PSD3: variants seen among roughly 807,000 people sequenced by gnomAD.
PSD3 encodes PH and SEC7 domain-containing protein 3.
In PSD3, 49 loss-of-function variants were observed where a neutral mutation model predicts 105.5. That is an observed-to-expected ratio of 0.46 (90% CI 0.37 to 0.59). The LOEUF (loss-of-function observed/expected upper bound fraction) is 0.59, where lower values mean the gene tolerates loss of function less well. Ranked by LOEUF, PSD3 falls within the 20% of genes least tolerant of loss-of-function variation. The pLI, the probability that PSD3 is intolerant of heterozygous loss-of-function variation, is 0.00. For missense variants in PSD3, 1,561 were observed against 1,263.8 expected, an observed-to-expected ratio of 1.24 and a Z score of -3.57; for synonymous variants, 557 against 457.8, an observed-to-expected ratio of 1.22 and a Z score of -2.77.
At chr8:18,930,662 C>T (rs894578646) in intron 2 of PSD3, among the ~76,000 whole-genome samples, 3 of 151,776 alleles carry the variant, frequency 2.0e-5, no homozygotes, top group Admixed American at 1.3e-4. Flanking sequence ...CCCCACCTCC[C>T]GGCTTCAACC....
intron 15 of PSD3, among the ~76,000 whole-genome samples, chr8:18,539,707 C>T (rs964211924): frequency 2.0e-5 from 3 of 151,726 alleles, no homozygotes; most frequent in African/African-American, 7.3e-5. Context: ...ACCACCAAGC[C>T]CGACTAATTT....
chr8:18,884,690 A>G (rs1208220311), intron 2 of PSD3, among the ~76,000 whole-genome samples: 1 of 152,100 alleles, frequency 6.6e-6, no homozygotes, highest in Non-Finnish European at 1.5e-5. Context: ...GCACACGAAC[A>G]GAAAATATTC....
intron 4 of PSD3, among the ~76,000 whole-genome samples, chr8:18,846,628 C>A (rs998664575): frequency 1.3e-5 from 2 of 152,122 alleles, no homozygotes; most frequent in African/African-American, 4.8e-5. Context: ...AAGTAACAAT[C>A]AACTTTCAAA....
intron 9 of PSD3, among the ~76,000 whole-genome samples, chr8:18,752,612 CATATAAT>C (rs1266937727): frequency 3.9e-5 from 2 of 51,598 alleles, no homozygotes; most frequent in Non-Finnish European, 6.9e-5. Context: ...ATATATAATA[CATATAAT>C]ATATATTATA....
intron 2 of PSD3, among the ~76,000 whole-genome samples, chr8:18,878,768 C>A (rs909737454): frequency 2.0e-5 from 3 of 151,984 alleles, no homozygotes; most frequent in African/African-American, 7.3e-5. Context: ...AAGACTTTTG[C>A]GGTATGGTAT....
chr8:18,696,814 TC>T (rs1164405797), intron 9 of PSD3, among the ~76,000 whole-genome samples: 1 of 152,186 alleles, frequency 6.6e-6, no homozygotes, highest in Admixed American at 6.5e-5. Context: ...AATGGTACTG[TC>T]CAATAGAAGT....
intron 4 of PSD3, among the ~76,000 whole-genome samples, chr8:18,838,824 A>G (rs1814370105): frequency 7.3e-6 from 1 of 136,370 alleles, no homozygotes; most frequent in Non-Finnish European, 1.7e-5. Context: ...TAATAATAAT[A>G]ATAATAATAA....
chr8:18,684,243 C>CACACACACACACACACAG (rs1249401646), intron 9 of PSD3: 1 of 210,794 alleles, frequency 4.7e-6, no homozygotes, highest in African/African-American at 2.3e-5. Context: ...CACACACACA[C>CACACACACACACACACAG]ACACACACCC....
At chr8:18,827,508 A>G (rs1813296709) in intron 4 of PSD3, among the ~76,000 whole-genome samples, 1 of 152,238 alleles carries the variant, frequency 6.6e-6, no homozygotes, top group Non-Finnish European at 1.5e-5. Context: ...GGCCAGATTC[A>G]AGAGCGGTAA....
At chr8:18,952,799 G>C (rs1305314199) in intron 1 of PSD3, among the ~76,000 whole-genome samples, 1 of 152,146 alleles carries the variant, frequency 6.6e-6, no homozygotes, top group Non-Finnish European at 1.5e-5. Flanking sequence ...TGGACAATTT[G>C]GAGACATTTA....
chr8:18,635,363 G>C (rs1446099749), intron 10 of PSD3, among the ~76,000 whole-genome samples: 1 of 152,060 alleles, frequency 6.6e-6, no homozygotes, highest in Non-Finnish European at 1.5e-5. Flanking sequence ...AATAGACAAA[G>C]CTAGGGAGAT....
chr8:18,914,965 G>A (rs1026358047), intron 2 of PSD3, among the ~76,000 whole-genome samples: 1 of 151,970 alleles, frequency 6.6e-6, no homozygotes, highest in Non-Finnish European at 1.5e-5. Context: ...ACGAAACTAT[G>A]GTAACCAAAA....
intron 8 of PSD3, among the ~76,000 whole-genome samples, chr8:18,786,314 T>C (rs1306341392): frequency 2.0e-5 from 3 of 152,238 alleles, no homozygotes; most frequent in Non-Finnish European, 4.4e-5. Flanking sequence ...AAAGTGTTTT[T>C]TCAGGACACC....
intron 9 of PSD3, among the ~76,000 whole-genome samples, chr8:18,759,772 T>C (rs900939489): frequency 1.3e-5 from 2 of 152,122 alleles, no homozygotes; most frequent in Non-Finnish European, 2.9e-5. Context: ...TTTATGTTCC[T>C]AGACCATTTG....
At position 18,534,426 on chromosome 8, in the gene PSD3, T is replaced by C. The variant is rs1294216905; in HGVS notation, c.*1317A>G. ...CCCTGAACTTCAAAGGGACTGTAAC[T>C]GGAACAAGCTCATGACTGCAAAGTT... is the stretch of plus-strand genomic sequence containing the variant. On this transcript the variant is annotated 3_prime_UTR_variant, in exon 16 of 16. Transcript: ENST00000327040. The C allele has an allele frequency of 6.6e-6, 1 of 152,550 alleles. No homozygotes were observed. Among genetic ancestry groups the C allele is most frequent in the Non-Finnish European group, 1.5e-5 (1 of 68,028 alleles). The allele number at this position is 152,550 out of a possible 1,614,324, so 9.4% of individuals were successfully genotyped here.
chr8:18,953,789 G>A (rs1823392759), intron 1 of PSD3, among the ~76,000 whole-genome samples: 1 of 151,878 alleles, frequency 6.6e-6, no homozygotes, highest in Admixed American at 6.6e-5. Flanking sequence ...ATAAACGATA[G>A]GATGGAATAC....
At chr8:18,610,439 T>C (rs1805175533) in intron 11 of PSD3, among the ~76,000 whole-genome samples, 1 of 152,198 alleles carries the variant, frequency 6.6e-6, no homozygotes, top group Admixed American at 6.5e-5. Flanking sequence ...TGTACCTCAC[T>C]GCTGATTTCT....
chr8:18,740,648 C>G (rs1238767487), intron 9 of PSD3, among the ~76,000 whole-genome samples: 2 of 152,142 alleles, frequency 1.3e-5, no homozygotes, highest in Admixed American at 6.6e-5. Flanking sequence ...AAGATTACTT[C>G]CATTTCTAAT....
chr8:18,984,403 T>C (rs984591704), intron 1 of PSD3, among the ~76,000 whole-genome samples: 2 of 151,996 alleles, frequency 1.3e-5, no homozygotes, highest in Non-Finnish European at 2.9e-5. Context: ...TTATAGCCCA[T>C]GAAGACAACA....
Sources: gnomAD v4.1 joint callset for allele counts (sites outside exome capture counted in the v4.1 genomes callset) on GRCh38, gnomAD v4.1.1 for gene constraint, MANE v1.5 for transcripts, NCBI Gene and HGNC (gene_info 2026-07-23, HGNC 2026-07-21) for gene names.